MILR1: variants seen among roughly 807,000 people sequenced by gnomAD.
MILR1 encodes allergin-1.
In MILR1, 31 loss-of-function variants were observed where a neutral mutation model predicts 18.5. The observed-to-expected ratio is 1.68, with a 90% CI of 1.26 to 2.26. MILR1 has a LOEUF of 2.26. Ranked by LOEUF, MILR1 falls within the 30% of genes most tolerant of loss-of-function variation. The probability of loss-of-function intolerance (pLI) is 0.00; values close to 1 mark genes in which losing one functional copy is unlikely to be tolerated. For synonymous variants in MILR1, 85 were observed against 56.2 expected (o/e 1.51, Z -2.30); for missense variants, 257 against 157.4 (o/e 1.63, Z -3.38).
At chr17:64,453,611 C>T (rs1280548869) in intron 3 of MILR1, among the ~76,000 whole-genome samples, 6 of 150,352 alleles carry the variant, frequency 4.0e-5, no homozygotes, top group African/African-American at 1.2e-4. Flanking sequence ...CCTTTCCCAC[C>T]GCTTCCTTAG....
chr17:64,462,145 C>G (rs2037445695), intron 5 of MILR1, among the ~76,000 whole-genome samples: 1 of 152,088 alleles, frequency 6.6e-6, no homozygotes, highest in Admixed American at 6.6e-5. Context: ...TGTACTCGGT[C>G]CTGACTTTAA....
chr17:64,471,273 G>A (rs911183664), downstream of MILR1, among the ~76,000 whole-genome samples: 3 of 152,236 alleles, frequency 2.0e-5, no homozygotes, highest in Middle Eastern at 3.4e-3. Flanking sequence ...CTGGACATGA[G>A]CCCACTGGAA....
the MILR1 span, among the ~76,000 whole-genome samples, chr17:64,489,220 T>G: frequency 1.3e-5 from 2 of 150,648 alleles, no homozygotes; most frequent in South Asian, 2.1e-4. Flanking sequence ...TCAAAATAAA[T>G]AATGACAGTA....
In MILR1 at chr17:64,452,611, T is replaced by C. The variant is rs2037199031; in HGVS notation, c.112T>C (p.Cys38Arg). 2 of 420,798 alleles carry C rather than the reference T, an allele frequency of 4.8e-6. No individual in the cohort carries two copies. Among genetic ancestry groups the C allele is most frequent in the Non-Finnish European group, 8.7e-6 (2 of 229,908 alleles). 26.1% of individuals were successfully genotyped at this position (420,798 alleles called of 1,614,324 possible). Residue 38 changes from cysteine (C) to arginine (R), a missense_variant, in exon 3 of 10, where the codon TGT becomes CGT. Coordinates refer to ENST00000619286, the MANE Select transcript of MILR1 (RefSeq NM_001085423.2). ...TTGTTTTTCAGAATTCCCTTCTCCA[T>C]GTTTGGACTCAAAGACTAAGGTGGT... ...AMKTNEFPSP[C>R]LDSKTKVVMK...
the MILR1 span, among the ~76,000 whole-genome samples, chr17:64,483,188 C>T: frequency 6.6e-6 from 1 of 152,054 alleles, no homozygotes; most frequent in Admixed American, 6.6e-5. Flanking sequence ...TCAGCTGCCC[C>T]CCAGATTTCT....
At chr17:64,480,402 A>G in the MILR1 span, 2 of 1,292,084 alleles carry the variant, frequency 1.5e-6, no homozygotes, top group East Asian at 2.3e-5. Flanking sequence ...AGAAAGAAAT[A>G]GAAAAACTTC....
At chr17:64,494,471 A>G in the MILR1 span, among the ~76,000 whole-genome samples, 2 of 152,220 alleles carry the variant, frequency 1.3e-5, no homozygotes, top group East Asian at 1.9e-4. Context: ...GCTTGAATCA[A>G]TGATATCGGG....
At chr17:64,450,473 A>G (rs1328254742) in intron 2 of MILR1, among the ~76,000 whole-genome samples, 1 of 151,838 alleles carries the variant, frequency 6.6e-6, no homozygotes, top group Non-Finnish European at 1.5e-5. Context: ...TATATTCGTT[A>G]TCTTTTTTTG....
At chr17:64,456,918 T>G (rs2037312920) in intron 3 of MILR1, among the ~76,000 whole-genome samples, 5 of 152,148 alleles carry the variant, frequency 3.3e-5, no homozygotes, top group Non-Finnish European at 7.3e-5. Context: ...GGCTCCTGCC[T>G]GTAACCACAG....
the MILR1 span, chr17:64,477,669 GA>G: frequency 1.1e-6 from 1 of 891,262 alleles, no homozygotes; most frequent in Non-Finnish European, 1.6e-6. Flanking sequence ...ACATATTCCT[GA>G]TACAATGAAA....
chr17:64,468,551 A>C lies in MILR1; in HGVS notation c.*270A>C, dbSNP rs1213880811. On this transcript the variant is annotated 3_prime_UTR_variant, in exon 10 of 10. Transcript: ENST00000619286. ...TGATCTGCCTGCCTCGGCCTCCCAA[A>C]GTGCTGGAACTACAAGCCTGAGCCA... 1 of 1,060,938 alleles carries C rather than the reference A, an allele frequency of 9.4e-7. No individual in the cohort carries two copies. The highest frequency in any genetic ancestry group is 1.7e-5 in the African/African-American group (1 of 58,552). 65.7% of individuals were successfully genotyped at this position (1,060,938 alleles called of 1,614,324 possible). A position where few individuals can be genotyped will look rare whatever the true frequency, so the allele number is the denominator to read the frequency against.
the MILR1 span, among the ~76,000 whole-genome samples, chr17:64,483,359 T>C: frequency 6.6e-6 from 1 of 150,872 alleles, no homozygotes; most frequent in South Asian, 2.1e-4. Flanking sequence ...ACCAAAAAAA[T>C]ACAAAAAAAT....
chr17:64,492,182 A>C, the MILR1 span, among the ~76,000 whole-genome samples: 1 of 152,200 alleles, frequency 6.6e-6, no homozygotes, highest in Non-Finnish European at 1.5e-5. Flanking sequence ...ACTCGTGATT[A>C]TTTCATACAG....
At chr17:64,487,591 G>A in the MILR1 span, 1 of 144,582 alleles carries the variant, frequency 6.9e-6, no homozygotes, top group African/African-American at 2.7e-5. Flanking sequence ...TCCAGCCTGG[G>A]TGACAGAGTG....
At position 64,466,594 on chromosome 17, in the gene MILR1, A is replaced by C; in HGVS notation, c.911A>C (p.Glu304Ala). 5 of 1,611,626 alleles carry C rather than the reference A, an allele frequency of 3.1e-6. No individual in the cohort carries two copies. Among genetic ancestry groups the C allele is most frequent in the Non-Finnish European group, 4.2e-6 (5 of 1,178,880 alleles). ...SRPCVSTAQD[E>A]AKHSQELQYA... ...TTCCTATTCCTTATCTTTTGCCCAG[A>C]GGCCAAACACTCCCAGGAGCTACAG... is the stretch of plus-strand genomic sequence containing the variant. Residue 304 changes from glutamate (E) to alanine (A), a missense_variant and splice_region_variant, in exon 8 of 10, where the codon GAG becomes GCG. Physicochemically the swap from Glu to Ala is moderately radical, Grantham distance 107. Transcript: ENST00000619286.
At chr17:64,466,055 T>C (rs539063119) in intron 6 of MILR1, among the ~76,000 whole-genome samples, 1 of 152,290 alleles carries the variant, frequency 6.6e-6, no homozygotes, top group East Asian at 1.9e-4. Flanking sequence ...CTCGGGAGAC[T>C]TACAATCATG....
At chr17:64,479,602 G>A in the MILR1 span, among the ~76,000 whole-genome samples, 1 of 152,060 alleles carries the variant, frequency 6.6e-6, no homozygotes, top group Non-Finnish European at 1.5e-5. Flanking sequence ...TAACAAGAAT[G>A]GATTATTTAA....
At chr17:64,462,545 G>A (rs2037454989) in intron 5 of MILR1, among the ~76,000 whole-genome samples, 1 of 152,002 alleles carries the variant, frequency 6.6e-6, no homozygotes. Flanking sequence ...ACCTTCAAAA[G>A]GTTTACAATT....
At chr17:64,477,067 C>A in the MILR1 span, among the ~76,000 whole-genome samples, 1 of 152,088 alleles carries the variant, frequency 6.6e-6, no homozygotes, top group Non-Finnish European at 1.5e-5. Flanking sequence ...ATTTTAGTTG[C>A]TTTTCAAAAA....
Sources: allele counts gnomAD v4.1 joint callset (sites outside exome capture counted in the v4.1 genomes callset), GRCh38; gene constraint gnomAD v4.1.1; transcripts MANE v1.5; gene names NCBI Gene and HGNC (gene_info 2026-07-23, HGNC 2026-07-21).